Variants in TMEM135 observed in about 807,000 individuals in gnomAD.
TMEM135 encodes peroxisomal membrane protein 52.
In TMEM135, 30 loss-of-function variants were observed where a neutral mutation model predicts 60.3. The ratio of observed to expected loss-of-function variants is 0.50; its 90% CI spans 0.37 to 0.68. The LOEUF is 0.68. TMEM135 is among the 30% of genes least tolerant of loss of function. TMEM135 has a pLI of 0.00. For missense variants in TMEM135, 468 were observed against 548.8 expected (o/e 0.85, Z 1.47); for synonymous variants, 190 against 186.7 (o/e 1.02, Z -0.14).
At position 87,327,942 on chromosome 11, in the gene TMEM135, G is replaced by A; in HGVS notation, c.*6609G>A. 4.4e-6 allele frequency: 2 copies of A among 453,974 alleles called. No individual in the cohort carries two copies. The highest frequency in any genetic ancestry group is 1.6e-5 in the South Asian group (1 of 64,464). The allele number at this position is 453,974 out of a possible 1,614,324, so 28.1% of individuals were successfully genotyped here. ...GGCCTCCAGTGGATTGGAGGTGCCT[G>A]CCCATATTGAGGGCAGATCTTCTCT... On this transcript the variant is annotated 3_prime_UTR_variant, in exon 15 of 15. Coordinates refer to ENST00000305494, the MANE Select transcript of TMEM135 (RefSeq NM_022918.4).
At chr11:87,113,970 G>A (rs983824294) in intron 4 of TMEM135, among the ~76,000 whole-genome samples, 3 of 151,990 alleles carry the variant, frequency 2.0e-5, no homozygotes, top group Non-Finnish European at 4.4e-5. Context: ...TATTGTCATT[G>A]TTGTTGTCAC....
intron 1 of TMEM135, among the ~76,000 whole-genome samples, chr11:87,045,786 A>T (rs1036298676): frequency 6.6e-6 from 1 of 152,212 alleles, no homozygotes; most frequent in African/African-American, 2.4e-5. Flanking sequence ...ATAAATATTG[A>T]TGAAATATAT....
chr11:87,300,498 C>A, intron 7 of TMEM135, among the ~76,000 whole-genome samples: 1 of 152,220 alleles, frequency 6.6e-6, no homozygotes, highest in South Asian at 2.1e-4. Flanking sequence ...TGGTTGTGGA[C>A]AAGATACTTA....
rs760133424 is a variant in TMEM135, at chr11:87,323,198, G to A, written c.*1865G>A. ...TAGTAAAATTTTGCTGGTCAAAAAGGTGTATTTCTACAATTTACCTTTTCA... is the reference window on the plus strand; with the variant it reads ...TAGTAAAATTTTGCTGGTCAAAAAGATGTATTTCTACAATTTACCTTTTCA... On this transcript the variant is annotated 3_prime_UTR_variant, in exon 15 of 15. Transcript: ENST00000305494. 2.2e-6 allele frequency: 1 copy of A among 453,702 alleles called. No individual in the cohort carries two copies. Among genetic ancestry groups the A allele is most frequent in the African/African-American group, 2.0e-5 (1 of 49,976 alleles). The allele number at this position is 453,702 out of a possible 1,614,324, so 28.1% of individuals were successfully genotyped here.
chr11:87,260,281 G>T (rs1941622832), intron 6 of TMEM135, among the ~76,000 whole-genome samples: 1 of 152,130 alleles, frequency 6.6e-6, no homozygotes, highest in African/African-American at 2.4e-5. Context: ...AATGTTTGTT[G>T]TATTTGATAA....
At chr11:87,237,443 G>A (rs1310224509) in intron 6 of TMEM135, among the ~76,000 whole-genome samples, 1 of 151,870 alleles carries the variant, frequency 6.6e-6, no homozygotes, top group African/African-American at 2.4e-5. Flanking sequence ...TAGCAGACAG[G>A]ACCAGGCTTT....
intron 1 of TMEM135, among the ~76,000 whole-genome samples, chr11:87,058,210 C>A (rs997799404): frequency 1.3e-5 from 2 of 152,138 alleles, no homozygotes; most frequent in Admixed American, 6.5e-5. Flanking sequence ...CATAGACATA[C>A]CCAGAATATC....
intron 5 of TMEM135, among the ~76,000 whole-genome samples, chr11:87,187,791 TACA>T (rs1939690535): frequency 6.6e-6 from 1 of 152,210 alleles, no homozygotes; most frequent in South Asian, 2.1e-4. Context: ...ACCATCCAAT[TACA>T]ACAACTTCTT....
chr11:87,220,542 A>G (rs767197812), intron 5 of TMEM135, among the ~76,000 whole-genome samples: 11 of 152,186 alleles, frequency 7.2e-5, no homozygotes, highest in Non-Finnish European at 1.3e-4. Context: ...TGGCATGACA[A>G]TATGGAGTTG....
At chr11:87,199,562 A>G (rs967386316) in intron 5 of TMEM135, among the ~76,000 whole-genome samples, 1 of 152,212 alleles carries the variant, frequency 6.6e-6, no homozygotes, top group Non-Finnish European at 1.5e-5. Context: ...TGAGGTAGAT[A>G]CATATAGATT....
At chr11:87,098,249 A>G (rs1857375411) in intron 4 of TMEM135, among the ~76,000 whole-genome samples, 1 of 152,124 alleles carries the variant, frequency 6.6e-6, no homozygotes, top group Non-Finnish European at 1.5e-5. Flanking sequence ...CTAGGCATAA[A>G]TGGGTTAAAG....
chr11:87,232,987 C>A (rs1329245156), intron 5 of TMEM135, among the ~76,000 whole-genome samples: 1 of 152,104 alleles, frequency 6.6e-6, no homozygotes, highest in Non-Finnish European at 1.5e-5. Context: ...CCCATCTCTA[C>A]TAAAAATACA....
intron 5 of TMEM135, among the ~76,000 whole-genome samples, chr11:87,181,845 G>A (rs1392488903): frequency 3.9e-5 from 6 of 152,016 alleles, no homozygotes; most frequent in African/African-American, 1.4e-4. Context: ...AGATTAAGGT[G>A]CACAATTAAA....
intron 9 of TMEM135, among the ~76,000 whole-genome samples, chr11:87,309,137 A>T (rs1050931112): frequency 2.0e-5 from 3 of 152,150 alleles, no homozygotes; most frequent in Non-Finnish European, 4.4e-5. Flanking sequence ...TTTATTAAGT[A>T]GTTTTTGGAA....
At chr11:87,101,404 A>G (rs1857453624) in intron 4 of TMEM135, among the ~76,000 whole-genome samples, 2 of 152,226 alleles carry the variant, frequency 1.3e-5, no homozygotes, top group Non-Finnish European at 2.9e-5. Context: ...TGCTGCTAAC[A>G]TGTTTAAAAT....
chr11:87,176,911 C>CTGTTTTTTATATAAACAGGG (rs1440457413), intron 5 of TMEM135, among the ~76,000 whole-genome samples: 2 of 152,134 alleles, frequency 1.3e-5, no homozygotes, highest in Non-Finnish European at 2.9e-5. Flanking sequence ...CAGTGCATCC[C>CTGTTTTTTATATAAACAGGG]ATGCATATAA....
Position 87,324,221 on chromosome 11 carries a change from A to G in TMEM135, c.*2888A>G, listed in dbSNP as rs1942879144. ...ATATCCCTGAGCTTCTGTGTGCTCT[A>G]CATTTCATAGGTAATGAAAAGCAAT... On this transcript the variant is annotated 3_prime_UTR_variant, in exon 15 of 15. Coordinates refer to ENST00000305494, the MANE Select transcript of TMEM135 (RefSeq NM_022918.4). 3 of 453,916 alleles carry G rather than the reference A, an allele frequency of 6.6e-6. No individual in the cohort carries two copies. Among genetic ancestry groups the G allele is most frequent in the Non-Finnish European group, 1.3e-5 (3 of 226,782 alleles). 28.1% of individuals were successfully genotyped at this position (453,916 alleles called of 1,614,324 possible). A position where few individuals can be genotyped will look rare whatever the true frequency, so the allele number is the denominator to read the frequency against.
At chr11:87,068,007 G>A (rs1414211019) in intron 2 of TMEM135, among the ~76,000 whole-genome samples, 186 bp downstream of exon 2, 1 of 152,016 alleles carries the variant, frequency 6.6e-6, no homozygotes, top group Non-Finnish European at 1.5e-5. Context: ...ACGTCAAGAT[G>A]TAATATAAAC....
chr11:87,125,182 A>C (rs1937689555), intron 4 of TMEM135, among the ~76,000 whole-genome samples: 1 of 152,246 alleles, frequency 6.6e-6, no homozygotes, highest in Non-Finnish European at 1.5e-5. Flanking sequence ...ATTAGGTATG[A>C]AACACATACA....
Sources: gnomAD v4.1 joint callset for allele counts (sites outside exome capture counted in the v4.1 genomes callset) on GRCh38, gnomAD v4.1.1 for gene constraint, MANE v1.5 for transcripts, NCBI Gene and HGNC (gene_info 2026-07-23, HGNC 2026-07-21) for gene names.